SNIP1: variants seen among roughly 807,000 people sequenced by gnomAD.
SNIP1 encodes the protein smad nuclear-interacting protein 1.
Under a neutral mutation model 37.4 loss-of-function variants are expected in SNIP1, and 23 were observed. The ratio of observed to expected loss-of-function variants is 0.61; its 90% CI spans 0.44 to 0.87. SNIP1 has a LOEUF of 0.87. Ranked by LOEUF, SNIP1 falls within the 40% of genes least tolerant of loss-of-function variation. The pLI is 0.00. For synonymous variants in SNIP1, 174 were observed against 200.0 expected (o/e 0.87, Z 1.10); for missense variants, 459 against 540.4 (o/e 0.85, Z 1.49).
intron 2 of SNIP1, among the ~76,000 whole-genome samples, chr1:37,547,518 G>A (rs1240367686): frequency 6.6e-6 from 1 of 151,536 alleles, no homozygotes; most frequent in Non-Finnish European, 1.5e-5. Context: ...TGGATCACTT[G>A]AGGTCAGGAG....
At position 37,540,547 on chromosome 1, in the gene SNIP1, C is replaced by T. The variant is rs781247363; in HGVS notation, c.536G>A (p.Arg179Gln). 76 of 1,614,000 alleles carry T rather than the reference C, an allele frequency of 4.7e-5. No homozygotes were observed. In the African/African-American group the frequency reaches 5.6e-4, roughly 12 times the overall value. ...CCGTCGCCTGGCATTATAAAACTCCCGCTCTTCTTCCTGAGCCTGCAGGTT... is the reference window on the plus strand; with the variant it reads ...CCGTCGCCTGGCATTATAAAACTCCTGCTCTTCTTCCTGAGCCTGCAGGTT... ...TQNLQAQEEE[R>Q]EFYNARRREH... Residue 179 changes from arginine to glutamine, a missense_variant, in exon 3 of 4, where the codon CGG (arginine) becomes CAG (glutamine). Arg to Gln is a conservative substitution (Grantham distance 43). Coordinates refer to ENST00000296215, the MANE Select transcript of SNIP1 (RefSeq NM_024700.4). This position sits in a 1 kb window ranked among gnomAD's most constrained non-coding sequence, Gnocchi z 5.6.
At position 37,554,189 on chromosome 1, in the gene SNIP1, C is replaced by A. The variant is rs1358231026; in HGVS notation, c.41G>T (p.Arg14Leu). 1 of 1,610,890 alleles carries A rather than the reference C, an allele frequency of 6.2e-7. No homozygotes were observed. Among genetic ancestry groups the A allele is most frequent in the Admixed American group, 1.7e-5 (1 of 59,708 alleles). ...CACCACGTCCCCGTCCCGGTGTCTT[C>A]GCCGGCTCCCTCGCTCCCGTTCGCT... ...VKSERERGSR[R>L]RHRDGDVVLP... Residue 14 changes from arginine to leucine, a missense_variant, in exon 1 of 4, where the codon CGA (arginine) becomes CTA (leucine). Transcript: ENST00000296215.
In SNIP1 at chr1:37,552,745, G is replaced by A; in HGVS notation, c.227C>T (p.Ser76Phe). Residue 76 changes from serine (S) to phenylalanine (F), a missense_variant and splice_region_variant, in exon 2 of 4, where the codon TCC becomes TTC. Physicochemically the swap from Ser to Phe is radical, Grantham distance 155. Coordinates refer to ENST00000296215, the MANE Select transcript of SNIP1 (RefSeq NM_024700.4). ...GGCCTTGTTTTTCTTTTTGGGTGGG[G>A]ACCTATTCAGAGCATGGTACACAGG... ...RGNRARGVSR[S>F]PPKKKNKASG... The A allele has an allele frequency of 6.2e-7, 1 of 1,612,440 alleles. No homozygotes were observed. Among genetic ancestry groups the A allele is most frequent in the Non-Finnish European group, 8.5e-7 (1 of 1,178,490 alleles).
chr1:37,539,677 T>A (rs1251047956), intron 3 of SNIP1, among the ~76,000 whole-genome samples: 7 of 152,198 alleles, frequency 4.6e-5, no homozygotes, highest in Non-Finnish European at 1.0e-4. Context: ...GCCACTGCAC[T>A]CCAGCCTGGG....
chr1:37,554,170 G>A lies in SNIP1; in HGVS notation c.60C>T (p.Asp20=). The change falls in exon 1 of 4, where the codon GAC becomes GAT. Residue 20 remains aspartate, a synonymous_variant. Coordinates refer to ENST00000296215, the MANE Select transcript of SNIP1 (RefSeq NM_024700.4). ...CCACCACCCCCGCCGGCAGCACCAC[G>A]TCCCCGTCCCGGTGTCTTCGCCGGC... is the stretch of plus-strand genomic sequence containing the variant. ...RGSRRRHRDG[D]VVLPAGVVVK... 2 of 1,612,734 alleles carry A rather than the reference G, an allele frequency of 1.2e-6. 1 individual carries two copies. Among genetic ancestry groups the A allele is most frequent in the South Asian group, 2.2e-5 (2 of 90,966 alleles).
chr1:37,552,507 A>T (rs1643311772), intron 2 of SNIP1, 138 bp downstream of exon 2: 1 of 668,768 alleles, frequency 1.5e-6, no homozygotes, highest in African/African-American at 1.8e-5. Flanking sequence ...AGAAAAGCCC[A>T]TCGGAGGTAC....
intron 2 of SNIP1, chr1:37,548,693 T>A (rs1643269008): frequency 6.9e-6 from 1 of 144,586 alleles, no homozygotes; most frequent in Admixed American, 7.2e-5. Flanking sequence ...GAGCAGAGAT[T>A]GCGCCACTCC....
At chr1:37,553,958 CT>C in intron 1 of SNIP1, 47 bp downstream of exon 1, 2 of 1,540,294 alleles carry the variant, frequency 1.3e-6, no homozygotes, top group Middle Eastern at 2.3e-4. Context: ...GCCCGCCTTT[CT>C]GAATGAGCCC....
chr1:37,545,064 T>C, intron 2 of SNIP1: 1 of 750,266 alleles, frequency 1.3e-6, no homozygotes, highest in East Asian at 2.5e-5. Flanking sequence ...GAGCATGCAT[T>C]ACATTTGGAA....
chr1:37,538,236 C>T (rs867412637), intron 3 of SNIP1, among the ~76,000 whole-genome samples: 2 of 152,100 alleles, frequency 1.3e-5, no homozygotes, highest in South Asian at 2.1e-4. Flanking sequence ...GGACCGGGCG[C>T]GGTGGCTCAC....
At chr1:37,538,336 G>A (rs914235943) in intron 3 of SNIP1, among the ~76,000 whole-genome samples, 1 of 151,912 alleles carries the variant, frequency 6.6e-6, no homozygotes, top group East Asian at 1.9e-4. Context: ...GTGAAACCCC[G>A]TCTCTACTAA....
At position 37,534,994 on chromosome 1, in the gene SNIP1, T is replaced by G. The variant is rs918777539; in HGVS notation, c.*2754A>C. 4 of 151,050 alleles carry G rather than the reference T, an allele frequency of 2.6e-5. No individual in the cohort carries two copies. Among genetic ancestry groups the G allele is most frequent in the Non-Finnish European group, 5.9e-5 (4 of 67,910 alleles). The allele number at this position is 151,050 out of a possible 1,614,324, so 9.4% of individuals were successfully genotyped here. A position where few individuals can be genotyped will look rare whatever the true frequency, so the allele number is the denominator to read the frequency against. On this transcript the variant is annotated 3_prime_UTR_variant, in exon 4 of 4. Transcript: ENST00000296215. ...CACTTTAAGAAGTCTGCTGGTGATA[T>G]CTGGCTTTAGAGGCAGGTAATGTCT... is the stretch of plus-strand genomic sequence containing the variant.
At chr1:37,542,923 G>A (rs900840312) in intron 2 of SNIP1, among the ~76,000 whole-genome samples, 2 of 151,796 alleles carry the variant, frequency 1.3e-5, no homozygotes, top group African/African-American at 4.8e-5. Flanking sequence ...AGCCAGGCAC[G>A]ACAGCATGCA....
chr1:37,537,924 A>G lies in SNIP1; in HGVS notation c.1015T>C (p.Leu339=). Residue 339 remains leucine, a synonymous_variant, in exon 4 of 4, where the codon TTA becomes CTA. Coordinates refer to ENST00000296215, the MANE Select transcript of SNIP1 (RefSeq NM_024700.4). ...TGTGGCTCAATACGTTTGTTGTTTA[A>G]GAAGGTTCCATTGCCTGAGCCAAGG... ...IDLGSGNGTF[L]NNKRIEPQRY... 1 of 1,614,170 alleles carries G rather than the reference A, an allele frequency of 6.2e-7. No individual in the cohort carries two copies. Among genetic ancestry groups the G allele is most frequent in the Non-Finnish European group, 8.5e-7 (1 of 1,180,024 alleles).
intron 3 of SNIP1, 119 bp from the exon 4 acceptor site, chr1:37,538,131 A>C: frequency 8.3e-7 from 1 of 1,204,394 alleles, no homozygotes; most frequent in African/African-American, 1.5e-5. Context: ...AGCACAATTC[A>C]AGTTAAAATT....
intron 3 of SNIP1, among the ~76,000 whole-genome samples, chr1:37,538,657 GTTTC>G (rs565915614): frequency 1.5e-3 from 222 of 152,040 alleles, no homozygotes; most frequent in Non-Finnish European, 3.0e-3. Context: ...TCAACATAAT[GTTTC>G]TTTAACCTAT....
intron 2 of SNIP1, among the ~76,000 whole-genome samples, chr1:37,550,257 T>A (rs1183528058): frequency 6.6e-6 from 1 of 152,182 alleles, no homozygotes; most frequent in East Asian, 1.9e-4. Context: ...TTAAAAACTT[T>A]TGCTCTGAGA....
intron 2 of SNIP1, among the ~76,000 whole-genome samples, chr1:37,542,460 T>C (rs1216562454): frequency 6.6e-6 from 1 of 152,204 alleles, no homozygotes; most frequent in African/African-American, 2.4e-5. Flanking sequence ...TGATAAATGG[T>C]CAGGTGCCAG....
At chr1:37,551,916 C>T (rs983468091) in intron 2 of SNIP1, among the ~76,000 whole-genome samples, 1 of 152,168 alleles carries the variant, frequency 6.6e-6, no homozygotes, top group Non-Finnish European at 1.5e-5. Flanking sequence ...TCTTAACGTT[C>T]ACATAAAAAC....
Sources: allele counts gnomAD v4.1 joint callset (sites outside exome capture counted in the v4.1 genomes callset), GRCh38; gene constraint gnomAD v4.1.1; non-coding constraint Gnocchi (gnomAD v3.1); transcripts MANE v1.5; gene names NCBI Gene and HGNC (gene_info 2026-07-23, HGNC 2026-07-21).